MGAM: variants seen among roughly 807,000 people sequenced by gnomAD.
The protein encoded by MGAM is alpha-1,4-glucosidase.
In MGAM, 253 loss-of-function variants were observed where a neutral mutation model predicts 358.8. The observed-to-expected ratio is 0.71, with a 90% CI of 0.64 to 0.78. MGAM has a LOEUF of 0.78. Among genes scored for constraint, MGAM ranks in the 30% least tolerant of loss-of-function variants. The pLI, the probability that MGAM is intolerant of heterozygous loss-of-function variation, is 0.00. For synonymous variants in MGAM, 1,105 were observed against 1,227.1 expected (o/e 0.90, Z 2.08); for missense variants, 3,080 against 3,432.6 (o/e 0.90, Z 2.57).
At chr7:141,992,451 G>A (rs577878978), upstream of MGAM, among the ~76,000 whole-genome samples, 1 of 152,102 alleles carries the variant, frequency 6.6e-6, no homozygotes, top group Non-Finnish European at 1.5e-5. Context: ...GTTCTTTAAG[G>A]GCGATACCAA....
chr7:142,002,208 A>T (rs1002699048), intron 1 of MGAM, among the ~76,000 whole-genome samples: 1 of 152,162 alleles, frequency 6.6e-6, no homozygotes, highest in Admixed American at 6.6e-5. Context: ...CTTGAAAATG[A>T]CTTTTAAAAA....
In MGAM at chr7:142,036,248, A is replaced by T. The variant is rs367841743; in HGVS notation, c.2039A>T (p.Tyr680Phe). 13 of 1,610,834 alleles carry T rather than the reference A, an allele frequency of 8.1e-6. No homozygotes were observed. Among genetic ancestry groups the T allele is most frequent in the East Asian group, 6.7e-5 (3 of 44,752 alleles). ...CRRWMQLGAF[Y>F]PFSRNHNGQG... ...CGGTGGATGCAGTTGGGTGCATTTT[A>T]TCCGTTTTCTAGAAATCACAATGGC... Residue 680 changes from tyrosine (Y) to phenylalanine (F), a missense_variant, in exon 17 of 71, where the codon TAT (tyrosine) becomes TTT (phenylalanine). Physicochemically the swap from Tyr to Phe is conservative, Grantham distance 22. This residue lies in a region of MGAM where 1,816 missense variants were observed against 1,840.5 expected (regional missense o/e 0.99). Coordinates refer to ENST00000475668, the MANE Select transcript of MGAM (RefSeq NM_001365693.1).
intron 2 of MGAM, among the ~76,000 whole-genome samples, chr7:142,006,800 T>C (rs1805202667): frequency 6.6e-6 from 1 of 152,152 alleles, no homozygotes; most frequent in African/African-American, 2.4e-5. Context: ...GCTGAACCAA[T>C]TGAGACATCT....
In MGAM at chr7:142,052,766, T is replaced by C; in HGVS notation, c.2959-18T>C. On this transcript the variant is annotated intron_variant, in intron 25 of 70. Transcript: ENST00000475668. Reference sequence around the variant, plus strand: ...ACCACATGCTGTGCTGATCTATGACTTTGGCCTTACTTTTCAGGCATCCAA... The same window carrying C: ...ACCACATGCTGTGCTGATCTATGACCTTGGCCTTACTTTTCAGGCATCCAA... The C allele has an allele frequency of 6.2e-7, 1 of 1,613,450 alleles. No individual in the cohort carries two copies. Among genetic ancestry groups the C allele is most frequent in the Non-Finnish European group, 8.5e-7 (1 of 1,179,456 alleles).
intron 3 of MGAM, among the ~76,000 whole-genome samples, chr7:142,009,220 A>G (rs965528009): frequency 2.1e-4 from 32 of 152,162 alleles, no homozygotes; most frequent in Admixed American, 9.2e-4. Flanking sequence ...GGAAGAAGGT[A>G]ATGAATACCA....
At chr7:142,009,067 A>G (rs1285568338) in intron 3 of MGAM, among the ~76,000 whole-genome samples, 1 of 152,142 alleles carries the variant, frequency 6.6e-6, no homozygotes, top group African/African-American at 2.4e-5. Flanking sequence ...ACACTACATG[A>G]TTACTAGTTC....
At chr7:142,103,507 G>A in intron 70 of MGAM, 68 bp downstream of exon 70, 1 of 1,370,370 alleles carries the variant, frequency 7.3e-7, no homozygotes, top group African/African-American at 1.5e-5. Context: ...GTGCCTGACT[G>A]CTTCCCTTCC....
At chr7:142,004,075 G>A (rs1465373990) in intron 1 of MGAM, among the ~76,000 whole-genome samples, 1 of 151,940 alleles carries the variant, frequency 6.6e-6, no homozygotes, top group Non-Finnish European at 1.5e-5. Flanking sequence ...AAAAGGAAAT[G>A]CTGATACAGT....
chr7:142,061,082 T>C (rs1812148122), intron 34 of MGAM, among the ~76,000 whole-genome samples: 1 of 152,090 alleles, frequency 6.6e-6, no homozygotes. Flanking sequence ...GTGGAGAAAG[T>C]GAAGGCAGAA....
At chr7:142,017,458 T>C (rs1324587099) in intron 3 of MGAM, among the ~76,000 whole-genome samples, 5 of 152,218 alleles carry the variant, frequency 3.3e-5, no homozygotes, top group South Asian at 2.1e-4. Context: ...AGCTCTACTG[T>C]AGAAGCTGGC....
At chr7:142,030,262 G>C (rs1307629393) in intron 10 of MGAM, 100 bp from the exon 11 acceptor site, 5 of 1,245,802 alleles carry the variant, frequency 4.0e-6, no homozygotes, top group Non-Finnish European at 5.5e-6. Flanking sequence ...TTAGAGCCCA[G>C]AACAGAGTTG....
rs770514777 is a variant in MGAM, at chr7:142,096,433, C to T, written c.7692+18C>T. ...TGGAGCGTGTGAGTATGGAGGCCTC[C>T]GATGAGGGGAGGATCCCAGCTGTGA... On this transcript the variant is annotated intron_variant, in intron 65 of 70. Transcript: ENST00000475668. 2.9e-5 allele frequency: 47 copies of T among 1,612,958 alleles called. No homozygotes were observed. The African/African-American group carries it at 3.1e-4, about 11-fold the overall frequency.
intron 33 of MGAM, 57 bp from the exon 34 acceptor site, chr7:142,060,254 A>G (rs1812004101): frequency 1.3e-6 from 2 of 1,590,332 alleles, no homozygotes; most frequent in Non-Finnish European, 1.7e-6. Context: ...TTATTAGGAA[A>G]TACTATGTAA....
rs1374666117 is a variant in MGAM at position 142,103,457 on chromosome 7, A to G, written c.8184+18A>G. ...CGACACAGGTTTGTGACCAGCAAAA[A>G]GTGCGAATGGTATTCTCCACCCTTA... On this transcript the variant is annotated intron_variant, in intron 70 of 70. Coordinates refer to ENST00000475668, the MANE Select transcript of MGAM (RefSeq NM_001365693.1). 1.9e-6 allele frequency: 3 copies of G among 1,578,764 alleles called. No homozygotes were observed. The highest frequency in any genetic ancestry group is 8.6e-7 in the Non-Finnish European group (1 of 1,164,094).
At chr7:142,008,727 T>C in intron 3 of MGAM, 22 bp downstream of exon 3, 1 of 1,602,128 alleles carries the variant, frequency 6.2e-7, no homozygotes. Context: ...GAATTTTGTT[T>C]CCATTTTAGA....
rs146645986 is a variant in MGAM, at chr7:142,106,742, A to C, written c.*851A>C. 7.9e-5 allele frequency: 12 copies of C among 152,354 alleles called. No individual in the cohort carries two copies. The highest frequency in any genetic ancestry group is 7.7e-4 in the East Asian group (4 of 5,182). 9.4% of individuals were successfully genotyped at this position (152,354 alleles called of 1,614,324 possible). ...ATAAAAATAAAACAAGTGAATTTGC[A>C]AGTGATTTTGAATTTTGTGCTATTT... On this transcript the variant is annotated 3_prime_UTR_variant, in exon 71 of 71. Transcript: ENST00000475668.
At chr7:142,049,510 G>A (rs1290304347) in intron 22 of MGAM, among the ~76,000 whole-genome samples, 5 of 152,018 alleles carry the variant, frequency 3.3e-5, no homozygotes, top group African/African-American at 1.2e-4. Flanking sequence ...AAAGTGAAAA[G>A]GCAAACTACA....
At chr7:142,045,169 A>G (rs1809933246) in intron 21 of MGAM, among the ~76,000 whole-genome samples, 1 of 78,034 alleles carries the variant, frequency 1.3e-5, no homozygotes, top group East Asian at 3.4e-4. Context: ...TATAATATAT[A>G]TATTATATAA....
intron 67 of MGAM, 147 bp downstream of exon 67, chr7:142,099,884 A>G: frequency 7.8e-7 from 1 of 1,285,366 alleles, no homozygotes; most frequent in Non-Finnish European, 1.1e-6. Context: ...TTTGTATTTT[A>G]ACCTTTTTCA....
Sources: gnomAD v4.1 joint callset for allele counts (sites outside exome capture counted in the v4.1 genomes callset) on GRCh38, gnomAD v4.1.1 for gene constraint, gnomAD v4.1.1 regional missense constraint, MANE v1.5 for transcripts, NCBI Gene and HGNC (gene_info 2026-07-23, HGNC 2026-07-21) for gene names.